Variants in RALGAPA2 observed in about 807,000 individuals in gnomAD.
The protein encoded by RALGAPA2 is Ral GTPase activating protein catalytic subunit alpha 2.
In RALGAPA2, 139 loss-of-function variants were observed where a neutral mutation model predicts 230.4. That is an observed-to-expected ratio of 0.60 (90% CI 0.53 to 0.69). The LOEUF (loss-of-function observed/expected upper bound fraction) is 0.69, where lower values mean the gene tolerates loss of function less well. Ranked by LOEUF, RALGAPA2 falls within the 30% of genes least tolerant of loss-of-function variation. The pLI is 0.00. For synonymous variants in RALGAPA2, 847 were observed against 837.8 expected, an observed-to-expected ratio of 1.01 and a Z score of -0.19; for missense variants, 2,163 against 2,276.0, an observed-to-expected ratio of 0.95 and a Z score of 1.01.
intron 3 of RALGAPA2, among the ~76,000 whole-genome samples, chr20:20,666,930 G>A (rs1293129352): frequency 6.6e-6 from 1 of 152,042 alleles, no homozygotes; most frequent in Non-Finnish European, 1.5e-5. Flanking sequence ...AGGAAAAGAG[G>A]AGGAGGAGAA....
intron 37 of RALGAPA2, among the ~76,000 whole-genome samples, chr20:20,434,507 G>A (rs1297423494): frequency 6.6e-6 from 1 of 152,148 alleles, no homozygotes; most frequent in African/African-American, 2.4e-5. Flanking sequence ...ACTAAAAACA[G>A]ACGGAGGCCA....
At chr20:20,636,843 G>A (rs956793897) in intron 8 of RALGAPA2, among the ~76,000 whole-genome samples, 17 of 152,124 alleles carry the variant, frequency 1.1e-4, no homozygotes, top group African/African-American at 3.9e-4. Context: ...ATTCCTTTCT[G>A]TTTCCTAGTC....
intron 4 of RALGAPA2, among the ~76,000 whole-genome samples, chr20:20,652,722 C>T (rs992376247): frequency 1.3e-5 from 2 of 152,114 alleles, no homozygotes; most frequent in African/African-American, 4.8e-5. Flanking sequence ...CGATTGATTT[C>T]CCAGAATTAC....
chr20:20,540,466 G>A (rs2063614056), intron 24 of RALGAPA2, among the ~76,000 whole-genome samples: 1 of 152,142 alleles, frequency 6.6e-6, no homozygotes, highest in Non-Finnish European at 1.5e-5. Context: ...CCGTCAGAAA[G>A]CTTAAAAGAT....
At chr20:20,476,921 C>T (rs1207297685) in intron 36 of RALGAPA2, among the ~76,000 whole-genome samples, 1 of 152,082 alleles carries the variant, frequency 6.6e-6, no homozygotes, top group African/African-American at 2.4e-5. Context: ...CATGTAACAT[C>T]ATGAAAATAA....
chr20:20,399,694 TTG>T (rs1473883667), intron 38 of RALGAPA2, among the ~76,000 whole-genome samples: 1 of 150,646 alleles, frequency 6.6e-6, no homozygotes, highest in Non-Finnish European at 1.5e-5. Flanking sequence ...TGGAGATGTG[TTG>T]TGTTATGTGC....
At chr20:20,608,754 G>A (rs983514286) in intron 14 of RALGAPA2, among the ~76,000 whole-genome samples, 8 of 152,164 alleles carry the variant, frequency 5.3e-5, no homozygotes, top group Admixed American at 3.9e-4. Context: ...TGCATCTCAC[G>A]TAAGAACGTG....
chr20:20,600,865 GC>G (rs2065619223), intron 16 of RALGAPA2, among the ~76,000 whole-genome samples: 1 of 152,210 alleles, frequency 6.6e-6, no homozygotes, highest in Non-Finnish European at 1.5e-5. Context: ...ATTTTGGGAG[GC>G]CGAGGCGGGC....
chr20:20,614,879 G>A (rs1264056302), intron 13 of RALGAPA2, among the ~76,000 whole-genome samples: 3 of 152,184 alleles, frequency 2.0e-5, no homozygotes, highest in Non-Finnish European at 4.4e-5. Context: ...GTTTCAGGTA[G>A]GAAAGGTGCC....
At chr20:20,641,458 C>T (rs1201874765) in intron 5 of RALGAPA2, among the ~76,000 whole-genome samples, 2 of 152,138 alleles carry the variant, frequency 1.3e-5, no homozygotes, top group East Asian at 3.9e-4. Context: ...TGAGACAGAG[C>T]AGCTCTTCTT....
rs948761702 is a variant in RALGAPA2, at chr20:20,391,105, G to A, written c.*2184C>T. On this transcript the variant is annotated 3_prime_UTR_variant, in exon 40 of 40. Coordinates refer to ENST00000202677, the MANE Select transcript of RALGAPA2 (RefSeq NM_020343.4). ...ACAGGAGTTTCTAGAGCCTGAAGAT[G>A]AAACGTTCTCCCAGAGGCGACCTGC... The A allele has an allele frequency of 6.6e-6, 1 of 152,186 alleles. No homozygotes were observed. The highest frequency in any genetic ancestry group is 2.4e-5 in the African/African-American group (1 of 41,434). The allele number at this position is 152,186 out of a possible 1,614,324, so 9.4% of individuals were successfully genotyped here. A position where few individuals can be genotyped will look rare whatever the true frequency, so the allele number is the denominator to read the frequency against.
chr20:20,711,378 A>G (rs981549272), intron 1 of RALGAPA2, among the ~76,000 whole-genome samples: 4 of 152,256 alleles, frequency 2.6e-5, no homozygotes, highest in South Asian at 4.1e-4. Flanking sequence ...TGGAAGAAAC[A>G]TAAGGTGTTC....
chr20:20,423,848 A>G (rs1429469473), intron 37 of RALGAPA2, among the ~76,000 whole-genome samples: 1 of 152,232 alleles, frequency 6.6e-6, no homozygotes, highest in Non-Finnish European at 1.5e-5. Flanking sequence ...ATGGAGGTAT[A>G]AGATATTAGA....
chr20:20,681,701 C>T (rs569801454), intron 1 of RALGAPA2, among the ~76,000 whole-genome samples: 1 of 152,224 alleles, frequency 6.6e-6, no homozygotes, highest in Admixed American at 6.5e-5. Flanking sequence ...GTAAAAACAG[C>T]TTTCTGGAGC....
At position 20,437,460 on chromosome 20, in the gene RALGAPA2, C is replaced by T. The variant is rs115276316; in HGVS notation, c.5496-25312G>A. ...GGCTTTCAGGGATGGTGCCGTCCTC[C>T]GTTCAGCCTTCAGATGGCTCCCACC... On this transcript the variant is annotated intron_variant, in intron 37 of 39. Transcript: ENST00000202677. The surrounding 1 kb of genome is among the most constrained non-coding windows in gnomAD (Gnocchi z 4.1). Among the ~76,000 whole-genome samples, 367 of 152,336 alleles carry T rather than the reference C, an allele frequency of 2.4e-3. 1 individual carries two copies. The highest frequency in any genetic ancestry group is 8.2e-3 in the African/African-American group (340 of 41,588).
At chr20:20,450,378 A>C (rs2060960356) in intron 37 of RALGAPA2, among the ~76,000 whole-genome samples, 3 of 152,264 alleles carry the variant, frequency 2.0e-5, no homozygotes. Flanking sequence ...ATCCTAACTT[A>C]ACGATAATTT....
intron 37 of RALGAPA2, among the ~76,000 whole-genome samples, chr20:20,434,629 G>A (rs2060569840): frequency 6.6e-6 from 1 of 152,102 alleles, no homozygotes; most frequent in South Asian, 2.1e-4. Flanking sequence ...TTTGGGTAGA[G>A]GACTATATTA....
At chr20:20,442,559 A>G (rs2060761097) in intron 37 of RALGAPA2, among the ~76,000 whole-genome samples, 1 of 152,274 alleles carries the variant, frequency 6.6e-6, no homozygotes, top group Non-Finnish European at 1.5e-5. Context: ...TCAGACATCC[A>G]AATATAAATG....
intron 37 of RALGAPA2, among the ~76,000 whole-genome samples, chr20:20,453,590 C>T (rs2061038932): frequency 6.6e-6 from 1 of 152,238 alleles, no homozygotes; most frequent in African/African-American, 2.4e-5. Context: ...CATCAAGTCC[C>T]TGTGACGCCT....
Sources: gnomAD v4.1 joint callset for allele counts (sites outside exome capture counted in the v4.1 genomes callset) on GRCh38, gnomAD v4.1.1 for gene constraint, Gnocchi (gnomAD v3.1) non-coding constraint, MANE v1.5 for transcripts, NCBI Gene and HGNC (gene_info 2026-07-23, HGNC 2026-07-21) for gene names.